COL24A1: variants seen among roughly 807,000 people sequenced by gnomAD.
COL24A1 encodes the protein collagen alpha-1(XXIV) chain.
In COL24A1, 224 loss-of-function variants were observed where a neutral mutation model predicts 253.9. That is an observed-to-expected ratio of 0.88 (90% confidence interval 0.79 to 0.99). The LOEUF (loss-of-function observed/expected upper bound fraction) is 0.99, where lower values mean the gene tolerates loss of function less well. Ranked by LOEUF, COL24A1 falls within the 50% of genes least tolerant of loss-of-function variation. The pLI is 0.00. For synonymous variants in COL24A1, 685 were observed against 673.7 expected (o/e 1.02, Z -0.26); for missense variants, 2,131 against 2,068.5 (o/e 1.03, Z -0.59).
intron 38 of COL24A1, among the ~76,000 whole-genome samples, chr1:85,848,627 T>G (rs1677406247): frequency 1.3e-5 from 2 of 152,126 alleles, no homozygotes; most frequent in South Asian, 4.1e-4. Flanking sequence ...TGACCTTTCT[T>G]TAGCACCAAA....
At chr1:85,858,619 CCCTCCTT>C (rs969100790) in intron 37 of COL24A1, among the ~76,000 whole-genome samples, 5 of 137,796 alleles carry the variant, frequency 3.6e-5, no homozygotes, top group African/African-American at 1.1e-4. Flanking sequence ...CTTATTTTCT[CCCTCCTT>C]CCTTCCTTCC....
At chr1:86,152,962 G>A (rs1310062008) in intron 1 of COL24A1, among the ~76,000 whole-genome samples, 1 of 152,042 alleles carries the variant, frequency 6.6e-6, no homozygotes, top group Non-Finnish European at 1.5e-5. Flanking sequence ...TGTTAAACAT[G>A]GTTTAAAGGC....
chr1:86,121,129 C>T (rs561581464), intron 3 of COL24A1, among the ~76,000 whole-genome samples: 8 of 152,054 alleles, frequency 5.3e-5, no homozygotes, highest in East Asian at 1.9e-4. Flanking sequence ...CATCACACAC[C>T]GGGGACTGTC....
chr1:86,033,827 A>G lies in COL24A1; in HGVS notation c.2004+43T>C, dbSNP rs776317406. The G allele has an allele frequency of 2.6e-6, 4 of 1,553,742 alleles. No homozygotes were observed. In the African/African-American group the frequency reaches 5.5e-5, roughly 21 times the overall value. On this transcript the variant is annotated intron_variant, in intron 13 of 59. Coordinates refer to ENST00000370571, the MANE Select transcript of COL24A1 (RefSeq NM_152890.7). ...TGTAAGTGCAGTGCTATGAAGTATG[A>G]ATGATGTTAGAATGCAAGGCTGAAC...
intron 28 of COL24A1, among the ~76,000 whole-genome samples, chr1:85,901,884 G>T (rs72952597): frequency 0.013 from 1,931 of 147,338 alleles, 37 homozygotes; most frequent in African/African-American, 0.044. Context: ...CCACTACTGG[G>T]TATTTATCCA....
At chr1:86,133,644 G>T (rs1027553043) in intron 2 of COL24A1, among the ~76,000 whole-genome samples, 4 of 152,154 alleles carry the variant, frequency 2.6e-5, no homozygotes, top group African/African-American at 7.2e-5. Context: ...TTATATGCTG[G>T]ATTACGTTTA....
At chr1:85,875,072 T>C (rs1680981747) in intron 34 of COL24A1, among the ~76,000 whole-genome samples, 1 of 152,202 alleles carries the variant, frequency 6.6e-6, no homozygotes, top group African/African-American at 2.4e-5. Context: ...GGAAAAACTG[T>C]CTTCCATGAA....
chr1:85,907,198 T>C lies in COL24A1; in HGVS notation c.2774A>G (p.Gln925Arg), dbSNP rs770353209. The change falls in exon 28 of 60, where the codon CAA (glutamine) becomes CGA (arginine). Residue 925 changes from glutamine (Q) to arginine (R), a missense_variant. Gln to Arg is a conservative substitution (Grantham distance 43). Transcript: ENST00000370571. The part of the protein sequence containing the change: ...GPPGSQGPKG[Q>R]RGSRGPDGLL... ...TTTTTTCCTTAGATTACTTACTCTT[T>C]GTCCTTTAGGACCTTGACTCCCAGG... The C allele has an allele frequency of 1.2e-6, 2 of 1,611,236 alleles. No individual in the cohort carries two copies. Among genetic ancestry groups the C allele is most frequent in the South Asian group, 2.2e-5 (2 of 90,942 alleles).
chr1:86,124,751 G>C, intron 3 of COL24A1, 94 bp downstream of exon 3: 5 of 933,992 alleles, frequency 5.4e-6, no homozygotes, highest in Non-Finnish European at 6.1e-6. Context: ...GTTATGTATT[G>C]TTTGGTCCAG....
intron 58 of COL24A1, among the ~76,000 whole-genome samples, chr1:85,735,406 T>C (rs1663941030): frequency 6.6e-6 from 1 of 152,208 alleles, no homozygotes; most frequent in African/African-American, 2.4e-5. Flanking sequence ...AATACTTTTT[T>C]TAATAAAAAT....
At chr1:85,740,876 G>A (rs1157191166) in intron 57 of COL24A1, among the ~76,000 whole-genome samples, 1 of 147,166 alleles carries the variant, frequency 6.8e-6, no homozygotes, top group African/African-American at 2.5e-5. Context: ...TTGGGAGGCC[G>A]AGGCGGGCAG....
intron 24 of COL24A1, among the ~76,000 whole-genome samples, chr1:85,927,286 G>A (rs1007957282): frequency 1.3e-5 from 2 of 152,200 alleles, no homozygotes; most frequent in African/African-American, 4.8e-5. Context: ...AAGGAGTCAG[G>A]GAGTTCCCTT....
intron 53 of COL24A1, among the ~76,000 whole-genome samples, chr1:85,774,834 A>C (rs967912052): frequency 6.6e-6 from 1 of 152,076 alleles, no homozygotes; most frequent in Non-Finnish European, 1.5e-5. Context: ...TCCTGGATTC[A>C]TTGATTTCTT....
At chr1:85,897,167 C>T (rs905658521) in intron 28 of COL24A1, among the ~76,000 whole-genome samples, 10 of 152,054 alleles carry the variant, frequency 6.6e-5, no homozygotes, top group African/African-American at 1.7e-4. Flanking sequence ...AACCAAACAC[C>T]GCATTTTCTC....
intron 12 of COL24A1, chr1:86,046,018 T>C (rs1412664440): frequency 4.2e-6 from 1 of 238,080 alleles, no homozygotes; most frequent in African/African-American, 2.3e-5. Context: ...TTAACATCTC[T>C]AAGCTTTATT....
chr1:85,744,273 T>TG (rs1664964841), intron 57 of COL24A1, among the ~76,000 whole-genome samples: 1 of 152,104 alleles, frequency 6.6e-6, no homozygotes, highest in East Asian at 1.9e-4. Context: ...AATTCCATTT[T>TG]GTATTAAAAA....
chr1:85,756,924 G>T (rs1254038883), intron 55 of COL24A1, among the ~76,000 whole-genome samples: 1 of 152,104 alleles, frequency 6.6e-6, no homozygotes. Context: ...GAACCCTGAA[G>T]ATATTACGTT....
At chr1:85,831,484 G>A (rs1675275447) in intron 43 of COL24A1, among the ~76,000 whole-genome samples, 1 of 152,010 alleles carries the variant, frequency 6.6e-6, no homozygotes, top group African/African-American at 2.4e-5. Context: ...CATTCTAAGA[G>A]TTTTGTTACA....
At chr1:86,126,579 C>A (rs2102276702) in intron 2 of COL24A1, among the ~76,000 whole-genome samples, 1 of 152,028 alleles carries the variant, frequency 6.6e-6, no homozygotes, top group East Asian at 1.9e-4. Context: ...CTCAAAGGAT[C>A]CTCCCACCTC....
Sources: gnomAD v4.1 joint callset for allele counts (sites outside exome capture counted in the v4.1 genomes callset) on GRCh38, gnomAD v4.1.1 for gene constraint, MANE v1.5 for transcripts, NCBI Gene and HGNC (gene_info 2026-07-23, HGNC 2026-07-21) for gene names.